NAA16: variants seen among roughly 807,000 people sequenced by gnomAD.
NAA16 encodes NARG1-like protein.
A neutral mutation model predicts 110.3 loss-of-function variants in NAA16; 97 were observed. The observed-to-expected ratio is 0.88, with a 90% CI of 0.75 to 1.04. NAA16 has a LOEUF of 1.04. NAA16 is among the 50% of genes least tolerant of loss of function. The probability of loss-of-function intolerance (pLI) is 0.00; values close to 1 mark genes in which losing one functional copy is unlikely to be tolerated. For synonymous variants in NAA16, 372 were observed against 330.6 expected (o/e 1.13, Z -1.36); for missense variants, 1,017 against 1,005.1 (o/e 1.01, Z -0.16).
chr13:41,372,972 A>G (rs1273788015), intron 17 of NAA16, 142 bp downstream of exon 17: 7 of 1,130,632 alleles, frequency 6.2e-6, no homozygotes, highest in East Asian at 3.1e-5. Context: ...TCATGATACA[A>G]ATCCTCTGAT....
At position 41,355,183 on chromosome 13, in the gene NAA16, T is replaced by A. The variant is rs769527628; in HGVS notation, c.1054T>A (p.Ser352Thr). The change falls in exon 10 of 20, where the codon TCT becomes ACT. Residue 352 changes from serine to threonine, a missense_variant. By Grantham distance (58) the Ser-to-Thr change is moderately conservative. Transcript: ENST00000379406. Reference sequence around the variant, plus strand: ...GGAACTTGTTACTAATTATGAAGCCTCTCTTAAAACGTGTGACTTTTTTAG... The same window carrying A: ...GGAACTTGTTACTAATTATGAAGCCACTCTTAAAACGTGTGACTTTTTTAG... ...IQELVTNYEASLKTCDFFSPY... is the reference protein window; with the variant it reads ...IQELVTNYEATLKTCDFFSPY... 4.4e-6 allele frequency: 7 copies of A among 1,590,394 alleles called. No individual in the cohort carries two copies. The highest frequency in any genetic ancestry group is 4.3e-6 in the Non-Finnish European group (5 of 1,168,546).
chr13:41,361,936 CATA>C, intron 12 of NAA16, 92 bp from the exon 13 acceptor site: 1 of 1,346,094 alleles, frequency 7.4e-7, no homozygotes, highest in East Asian at 2.5e-5. Flanking sequence ...CTGCTATTGT[CATA>C]ATAGTACTGT....
intron 1 of NAA16, among the ~76,000 whole-genome samples, chr13:41,312,023 C>T (rs906645342): frequency 2.6e-5 from 4 of 152,214 alleles, no homozygotes; most frequent in African/African-American, 7.2e-5. Flanking sequence ...TTAGATTGCA[C>T]AGCACACCCG....
chr13:41,334,241 TAAAA>T (rs2042317701), intron 8 of NAA16, among the ~76,000 whole-genome samples: 1 of 152,146 alleles, frequency 6.6e-6, no homozygotes, highest in African/African-American at 2.4e-5. Flanking sequence ...ACTTTTTAGG[TAAAA>T]GGGCTTCATA....
At chr13:41,314,497 C>T (rs573442185) in intron 1 of NAA16, among the ~76,000 whole-genome samples, 9 of 152,118 alleles carry the variant, frequency 5.9e-5, no homozygotes, top group Non-Finnish European at 1.2e-4. Context: ...TCACCTAGTT[C>T]CCTTCCCCAG....
rs757109105 is a variant in NAA16, at chr13:41,372,267, A to ACT, written c.2013_2014insTC (p.Ile672SerfsTer7). 1 of 1,602,138 alleles carries ACT rather than the reference A, an allele frequency of 6.2e-7. No individual in the cohort carries two copies. The highest frequency in any genetic ancestry group is 8.5e-7 in the Non-Finnish European group (1 of 1,175,242). ...CCTCTTAAGAACCTTGTTGCTGATAACATTGACACTCATCTGTTAGCATTT... is the reference window on the plus strand; with the variant it reads ...CCTCTTAAGAACCTTGTTGCTGATAACTCATTGACACTCATCTGTTAGCATTT... On this transcript the variant is annotated frameshift_variant, in exon 16 of 20. Transcript: ENST00000379406. LOFTEE classifies it high-confidence loss of function.
Position 41,375,637 on chromosome 13 carries a change from G to C in NAA16, c.*35G>C. The C allele has an allele frequency of 6.8e-7, 1 of 1,471,284 alleles. No homozygotes were observed. Among genetic ancestry groups the C allele is most frequent in the Non-Finnish European group, 9.3e-7 (1 of 1,079,230 alleles). The allele number at this position is 1,471,284 out of a possible 1,614,324, so 91.1% of individuals were successfully genotyped here. On this transcript the variant is annotated 3_prime_UTR_variant, in exon 20 of 20. Transcript: ENST00000379406. ...GAAAGTAGACTCCTATAGACTCAAA[G>C]CTGAATTGAGATCAGGGTTTCTTTT...
chr13:41,323,643 C>T (rs566995422), intron 5 of NAA16, among the ~76,000 whole-genome samples: 34 of 151,690 alleles, frequency 2.2e-4, no homozygotes, highest in Non-Finnish European at 4.6e-4. Context: ...TGAGCCACCG[C>T]GCCCGGCCAT....
chr13:41,341,922 C>T (rs1021034170), intron 9 of NAA16, among the ~76,000 whole-genome samples: 66 of 150,910 alleles, frequency 4.4e-4, no homozygotes, highest in Admixed American at 5.3e-4. Context: ...AGCTCCACCT[C>T]CTGGGTTCGC....
At chr13:41,373,576 G>GTT (rs144431396) in intron 17 of NAA16, 61 bp from the exon 18 acceptor site, 585 of 1,202,362 alleles carry the variant, frequency 4.9e-4, no homozygotes, top group South Asian at 1.1e-3. Context: ...TTTTCAGTAG[G>GTT]TTTTTTTTTT....
intron 4 of NAA16, among the ~76,000 whole-genome samples, chr13:41,321,097 A>G (rs1025131317): frequency 9.2e-5 from 14 of 152,190 alleles, no homozygotes; most frequent in African/African-American, 3.4e-4. Flanking sequence ...GCTGGGAGTT[A>G]GAAACCAGCC....
intron 9 of NAA16, among the ~76,000 whole-genome samples, chr13:41,352,578 C>CT (rs1361424377): frequency 1.3e-5 from 2 of 152,086 alleles, no homozygotes; most frequent in Non-Finnish European, 2.9e-5. Context: ...TTGCTTGAAC[C>CT]TGGGAGGCAG....
At chr13:41,358,175 A>G in intron 10 of NAA16, 129 bp from the exon 11 acceptor site, 1 of 761,964 alleles carries the variant, frequency 1.3e-6, no homozygotes, top group Non-Finnish European at 2.1e-6. Context: ...TTTTGAAATT[A>G]GTAGTTTTTG....
intron 6 of NAA16, among the ~76,000 whole-genome samples, 196 bp downstream of exon 6, chr13:41,326,047 G>A (rs534550521): frequency 1.2e-4 from 19 of 152,178 alleles, no homozygotes; most frequent in African/African-American, 4.3e-4. Flanking sequence ...TGGAGATGGG[G>A]GAACTGAGAG....
intron 18 of NAA16, 57 bp from the exon 19 acceptor site, chr13:41,374,685 T>G (rs878866529): frequency 1.8e-6 from 2 of 1,138,314 alleles, no homozygotes; most frequent in Non-Finnish European, 2.6e-6. Flanking sequence ...CCAGTTGATA[T>G]CACATAAAAT....
intron 10 of NAA16, among the ~76,000 whole-genome samples, chr13:41,357,805 T>G (rs1307336284): frequency 6.6e-6 from 1 of 152,190 alleles, no homozygotes; most frequent in Non-Finnish European, 1.5e-5. Flanking sequence ...ATGGTAGGGT[T>G]GTTTCTACTT....
rs565478575 is a variant in NAA16, at chr13:41,321,824, A to G, written c.402+1000A>G. On this transcript the variant is annotated intron_variant, in intron 4 of 19. Transcript: ENST00000379406. ...GGTTCTAACAGTTTTCTTTAAATAC[A>G]TTATTTATATACTTCTTACTTTTGC... 3.7e-4 allele frequency among the ~76,000 whole-genome samples: 57 copies of G among 152,266 alleles called. 1 individual carries two copies. Among genetic ancestry groups the G allele is most frequent in the Admixed American group, 2.3e-3 (35 of 15,290 alleles).
chr13:41,326,363 C>T (rs1337009217), intron 6 of NAA16, among the ~76,000 whole-genome samples: 1 of 152,086 alleles, frequency 6.6e-6, no homozygotes, highest in Non-Finnish European at 1.5e-5. Context: ...AATTCCCTTT[C>T]CCTGAGCAAT....
chr13:41,320,568 C>T (rs1056596154), intron 3 of NAA16, 99 bp from the exon 4 acceptor site: 1 of 1,184,454 alleles, frequency 8.4e-7, no homozygotes, highest in Non-Finnish European at 1.1e-6. Flanking sequence ...TGAACAAATC[C>T]CAGGCAAAAT....
Sources: allele counts gnomAD v4.1 joint callset (sites outside exome capture counted in the v4.1 genomes callset), GRCh38; gene constraint gnomAD v4.1.1; transcripts MANE v1.5; gene names NCBI Gene and HGNC (gene_info 2026-07-23, HGNC 2026-07-21).